PCED1B: variants seen among roughly 807,000 people sequenced by gnomAD.
PCED1B encodes PC-esterase domain containing 1B, also known as PC-esterase domain-containing protein 1B.
For missense variants in PCED1B, 573 were observed against 573.9 expected (o/e 1.00, Z 0.02); for synonymous variants, 251 against 246.1 (o/e 1.02, Z -0.19).
intron 2 of PCED1B, among the ~76,000 whole-genome samples, chr12:47,125,170 A>G (rs1340938567): frequency 6.6e-6 from 1 of 151,866 alleles, no homozygotes; most frequent in Non-Finnish European, 1.5e-5. Context: ...TCAATGATTC[A>G]TTTTGTGTTA....
chr12:47,220,504 C>T (rs1376084202), intron 3 of PCED1B, among the ~76,000 whole-genome samples: 1 of 152,212 alleles, frequency 6.6e-6, no homozygotes, highest in Non-Finnish European at 1.5e-5. Flanking sequence ...CTCTCCATGC[C>T]TCAGTTTACT....
At chr12:47,129,962 G>A (rs10506272) in intron 2 of PCED1B, among the ~76,000 whole-genome samples, 16,874 of 152,228 alleles carry the variant, frequency 0.11, 1,799 homozygotes, top group African/African-American at 0.28. Context: ...AAAATGTCTT[G>A]AGTTCTGCCC....
At chr12:47,167,692 G>A (rs989415746) in intron 2 of PCED1B, among the ~76,000 whole-genome samples, 3 of 152,128 alleles carry the variant, frequency 2.0e-5, no homozygotes, top group Non-Finnish European at 4.4e-5. Flanking sequence ...GGAATCGATC[G>A]AATTACTTAA....
At chr12:47,112,200 G>A (rs781479785) in intron 2 of PCED1B, among the ~76,000 whole-genome samples, 1 of 152,130 alleles carries the variant, frequency 6.6e-6, no homozygotes, top group Non-Finnish European at 1.5e-5. Flanking sequence ...ACTGCACCAA[G>A]CACAGCATAA....
chr12:47,102,446 G>A (rs1255397405), intron 1 of PCED1B, among the ~76,000 whole-genome samples: 1 of 152,182 alleles, frequency 6.6e-6, no homozygotes, highest in Non-Finnish European at 1.5e-5. Flanking sequence ...CCAGTACTGT[G>A]TTATACAGTT....
rs1014051510 is a variant in PCED1B, at chr12:47,195,760, C to T, written c.-525-20462C>T. Among the ~76,000 whole-genome samples, 10 of 152,316 alleles carry T rather than the reference C, an allele frequency of 6.6e-5. No homozygotes were observed. In the East Asian group the frequency reaches 9.6e-4, roughly 15 times the overall value. On this transcript the variant is annotated intron_variant, in intron 2 of 3. Transcript: ENST00000546455. The stretch of plus-strand genomic sequence containing the variant: ...AGTCTACCAGAGTTGTCTGTTCCCA[C>T]TTTTTTCATTCTTCATTTCCTCACC...
chr12:47,109,586 T>C (rs1166118133), intron 2 of PCED1B, among the ~76,000 whole-genome samples: 4 of 152,198 alleles, frequency 2.6e-5, no homozygotes, highest in African/African-American at 9.6e-5. Flanking sequence ...TGGTTGTTTC[T>C]GGCTCTTTGT....
At chr12:47,144,839 G>A (rs554937974) in intron 2 of PCED1B, among the ~76,000 whole-genome samples, 1 of 151,974 alleles carries the variant, frequency 6.6e-6, no homozygotes, top group South Asian at 2.1e-4. Context: ...AAATCCCTTG[G>A]GCCTTCCTAT....
Position 47,235,016 on chromosome 12 carries a change from G to T in PCED1B, c.-48G>T, listed in dbSNP as rs746284450. Reference sequence around the variant, plus strand: ...TCTCCTTCTGTCCTAGCCATCCGCAGAGCCATCCTGTGCAAAGGAAGGAGC... The same window carrying T: ...TCTCCTTCTGTCCTAGCCATCCGCATAGCCATCCTGTGCAAAGGAAGGAGC... On this transcript the variant is annotated 5_prime_UTR_variant, in exon 4 of 4. Transcript: ENST00000546455. 6.7e-7 allele frequency: 1 copy of T among 1,483,342 alleles called. No individual in the cohort carries two copies. Among genetic ancestry groups the T allele is most frequent in the Admixed American group, 2.3e-5 (1 of 43,106 alleles). 91.9% of individuals were successfully genotyped at this position (1,483,342 alleles called of 1,614,324 possible).
At chr12:47,135,192 CTATAG>C (rs1347986651) in intron 2 of PCED1B, among the ~76,000 whole-genome samples, 1 of 152,136 alleles carries the variant, frequency 6.6e-6, no homozygotes, top group Admixed American at 6.5e-5. Flanking sequence ...CACTATATTC[CTATAG>C]TAAATTTCAT....
At chr12:47,230,873 TAAC>T (rs1268592947) in intron 3 of PCED1B, among the ~76,000 whole-genome samples, 1 of 152,216 alleles carries the variant, frequency 6.6e-6, no homozygotes, top group Admixed American at 6.5e-5. Context: ...TTAATAATAA[TAAC>T]TAATTTAGCA....
intron 1 of PCED1B, among the ~76,000 whole-genome samples, chr12:47,091,866 C>G (rs1423932625): frequency 6.6e-6 from 1 of 152,126 alleles, no homozygotes; most frequent in Non-Finnish European, 1.5e-5. Context: ...TGCAGGTCTA[C>G]TTCTGGATTC....
Position 47,216,429 on chromosome 12 carries a change from T to C in PCED1B, c.-318T>C, listed in dbSNP as rs981934848. ...GTCAAAGTCTTGAAGCTTCGGTCATTAGTCTTCCGCTTCCTAAAGCAAGAA... is the reference window on the plus strand; with the variant it reads ...GTCAAAGTCTTGAAGCTTCGGTCATCAGTCTTCCGCTTCCTAAAGCAAGAA... On this transcript the variant is annotated 5_prime_UTR_variant, in exon 3 of 4. Transcript: ENST00000546455. 6.6e-6 allele frequency: 1 copy of C among 152,236 alleles called. No homozygotes were observed. The highest frequency in any genetic ancestry group is 1.5e-5 in the Non-Finnish European group (1 of 68,046). The allele number at this position is 152,236 out of a possible 1,614,324, so 9.4% of individuals were successfully genotyped here.
At chr12:47,101,737 G>C (rs1244823456) in intron 1 of PCED1B, among the ~76,000 whole-genome samples, 2 of 152,028 alleles carry the variant, frequency 1.3e-5, no homozygotes, top group Non-Finnish European at 2.9e-5. Context: ...AGTTGAGATT[G>C]GGAGCTCGAG....
At chr12:47,218,290 C>T (rs536921545) in intron 3 of PCED1B, among the ~76,000 whole-genome samples, 2 of 152,262 alleles carry the variant, frequency 1.3e-5, no homozygotes, top group African/African-American at 2.4e-5. Context: ...AGAAGTTAGT[C>T]GGTGTGCATA....
At chr12:47,155,672 A>G (rs1185274181) in intron 2 of PCED1B, among the ~76,000 whole-genome samples, 1 of 152,232 alleles carries the variant, frequency 6.6e-6, no homozygotes, top group African/African-American at 2.4e-5. Context: ...TAGGTAAAGT[A>G]TGAAGGTGAA....
intron 2 of PCED1B, among the ~76,000 whole-genome samples, chr12:47,166,694 A>G (rs1472145663): frequency 2.0e-5 from 3 of 152,168 alleles, no homozygotes; most frequent in Non-Finnish European, 4.4e-5. Flanking sequence ...ACAAGTAACT[A>G]ATCAAGATGA....
At chr12:47,093,588 A>G (rs1938355949) in intron 1 of PCED1B, among the ~76,000 whole-genome samples, 1 of 151,832 alleles carries the variant, frequency 6.6e-6, no homozygotes, top group South Asian at 2.1e-4. Context: ...AAGACTATAT[A>G]TTTCCTTCTA....
Position 47,235,998 on chromosome 12 carries a change from T to G in PCED1B, c.935T>G (p.Leu312Arg). 6.2e-7 allele frequency: 1 copy of G among 1,610,122 alleles called. No individual in the cohort carries two copies. The highest frequency in any genetic ancestry group is 8.5e-7 in the Non-Finnish European group (1 of 1,178,630). Residue 312 changes from leucine to arginine, a missense_variant, in exon 4 of 4, where the codon CTG becomes CGG. Coordinates refer to ENST00000546455, the MANE Select transcript of PCED1B (RefSeq NM_138371.3). ...GGGTTCCCACCCCAGCGCTTGCCGCTGCTCCCGCTCCTGTCCCCACAGCCT... is the reference window on the plus strand; with the variant it reads ...GGGTTCCCACCCCAGCGCTTGCCGCGGCTCCCGCTCCTGTCCCCACAGCCT... ...LLGFPPQRLP[L>R]LPLLSPQPPP...
Sources: allele counts gnomAD v4.1 joint callset (sites outside exome capture counted in the v4.1 genomes callset), GRCh38; gene constraint gnomAD v4.1.1; transcripts MANE v1.5; gene names NCBI Gene and HGNC (gene_info 2026-07-23, HGNC 2026-07-21).